The following GSPT1 variants were observed in gnomAD, a reference collection of about 807,000 sequenced individuals.
GSPT1 encodes the protein eukaryotic peptide chain release factor GTP-binding subunit ERF3A.
In GSPT1, 20 loss-of-function variants were observed where a neutral mutation model predicts 72.5. The observed-to-expected ratio is 0.28, with a 90% confidence interval of 0.19 to 0.40. The LOEUF (loss-of-function observed/expected upper bound fraction) is 0.40, where lower values mean the gene tolerates loss of function less well. Ranked by LOEUF, GSPT1 falls within the 10% of genes least tolerant of loss-of-function variation. GSPT1 has a pLI of 1.00. For missense variants in GSPT1, 580 were observed against 811.9 expected (o/e 0.71, Z 3.47); for synonymous variants, 334 against 293.5 (o/e 1.14, Z -1.41).
chr16:11,908,521 G>A lies in GSPT1; in HGVS notation c.352+6848C>T, dbSNP rs1321624360. ...CACGCCTGTAATCCCAGCACTTTGG[G>A]AGGCCGAGGCGGGCGGATCACGAGG... On this transcript the variant is annotated intron_variant, in intron 1 of 14. Coordinates refer to ENST00000434724, the MANE Select transcript of GSPT1 (RefSeq NM_002094.4). The A allele has an allele frequency of 1.4e-4, 10 of 69,262 alleles. 3 individuals carry two copies. The highest frequency in any genetic ancestry group is 8.1e-4 in the Admixed American group (6 of 7,366). The allele number at this position is 69,262 out of a possible 1,614,324, so 4.3% of individuals were successfully genotyped here.
intron 1 of GSPT1, among the ~76,000 whole-genome samples, chr16:11,904,816 T>C (rs1221137629): frequency 6.6e-6 from 1 of 152,218 alleles, no homozygotes; most frequent in Non-Finnish European, 1.5e-5. Context: ...CCGGGTGTAG[T>C]GGCTCATGCC....
chr16:11,892,173 C>T (rs1380497907), intron 5 of GSPT1, among the ~76,000 whole-genome samples: 1 of 150,886 alleles, frequency 6.6e-6, no homozygotes, highest in Non-Finnish European at 1.5e-5. Flanking sequence ...GTGAGACCAT[C>T]TCCACATAAA....
At chr16:11,896,202 C>G (rs959941560) in intron 4 of GSPT1, among the ~76,000 whole-genome samples, 1 of 152,142 alleles carries the variant, frequency 6.6e-6, no homozygotes, top group African/African-American at 2.4e-5. Context: ...TAAGGTCAAT[C>G]CCATTAAAAT....
intron 1 of GSPT1, among the ~76,000 whole-genome samples, chr16:11,902,062 C>A (rs34160646): frequency 2.0e-5 from 3 of 147,616 alleles, no homozygotes; most frequent in African/African-American, 7.6e-5. Context: ...GCACTCCAGC[C>A]TGGGCAACAA....
chr16:11,892,525 A>AAAAAAAAAAAAAC (rs1567443291), intron 5 of GSPT1, among the ~76,000 whole-genome samples: 1 of 141,858 alleles, frequency 7.0e-6, no homozygotes, highest in African/African-American at 2.8e-5. Context: ...AAAAAAAACA[A>AAAAAAAAAAAAAC]AAAAAACAAA....
intron 14 of GSPT1, 54 bp from the exon 15 acceptor site, chr16:11,873,225 A>C (rs1298832211): frequency 7.0e-6 from 6 of 855,730 alleles, no homozygotes; most frequent in Non-Finnish European, 1.2e-5. Flanking sequence ...AGTCTATATA[A>C]GATATTAAAA....
chr16:11,891,345 A>G (rs1348210337), intron 5 of GSPT1, among the ~76,000 whole-genome samples: 1 of 147,208 alleles, frequency 6.8e-6, no homozygotes, highest in Admixed American at 6.8e-5. Flanking sequence ...TATATAAAAT[A>G]TATATATTAC....
At position 11,915,911 on chromosome 16, in the gene GSPT1, A is replaced by AGGCGGC. The variant is rs757950220; in HGVS notation, c.-197_-192dup. On this transcript the variant is annotated 5_prime_UTR_variant, in exon 1 of 15. Transcript: ENST00000434724. ...GACTCCACACTCGCGACGACGACAGAGGCGGCGGCGGCGGCAGCTCAACCC... is the reference window on the plus strand; with the variant it reads ...GACTCCACACTCGCGACGACGACAGAGGCGGCGGCGGCGGCGGCGGCAGCTCAACCC... The AGGCGGC allele has an allele frequency of 4.8e-6, 4 of 831,484 alleles. No individual in the cohort carries two copies. In the South Asian group the frequency reaches 5.3e-5, roughly 11 times the overall value. The allele number at this position is 831,484 out of a possible 1,614,324, so 51.5% of individuals were successfully genotyped here. A position where few individuals can be genotyped will look rare whatever the true frequency, so the allele number is the denominator to read the frequency against.
At chr16:11,912,082 C>G (rs1411889943) in intron 1 of GSPT1, among the ~76,000 whole-genome samples, 5 of 147,702 alleles carry the variant, frequency 3.4e-5, no homozygotes. Context: ...CGCGGTCACA[C>G]CTGTAATCCC....
rs62622820 is a variant in GSPT1, at chr16:11,873,059, G to A, written c.*60C>T. 0.017 allele frequency: 14,960 copies of A among 892,168 alleles called. 171 individuals are homozygous for A. Among genetic ancestry groups the A allele is most frequent in the Non-Finnish European group, 0.022 (12,053 of 551,250 alleles). 55.3% of individuals were successfully genotyped at this position (892,168 alleles called of 1,614,324 possible). On this transcript the variant is annotated 3_prime_UTR_variant, in exon 15 of 15. Transcript: ENST00000434724. ...GGCAGAAAATAAGAGAAGGCGGTGT[G>A]AAGTAGGCTTCTGCAGTCAATTTTC...
intron 11 of GSPT1, chr16:11,881,165 TGGGA>T (rs2054117580): frequency 6.6e-6 from 1 of 152,402 alleles, no homozygotes; most frequent in Admixed American, 6.5e-5. Context: ...CCCAAAGTGC[TGGGA>T]TTACAGGCAT....
At chr16:11,901,099 A>G (rs939499731) in intron 1 of GSPT1, among the ~76,000 whole-genome samples, 2 of 152,170 alleles carry the variant, frequency 1.3e-5, no homozygotes, top group African/African-American at 4.8e-5. Context: ...CAAGGTTGCA[A>G]TGAGACCTGA....
chr16:11,883,861 C>T (rs1367826551), intron 10 of GSPT1, among the ~76,000 whole-genome samples: 2 of 150,640 alleles, frequency 1.3e-5, no homozygotes, highest in Admixed American at 6.6e-5. Context: ...TGCAGTGAGC[C>T]GAGATCATGC....
chr16:11,885,095 GAAAAA>G (rs1567439060), intron 10 of GSPT1, 81 bp downstream of exon 10: 4 of 687,710 alleles, frequency 5.8e-6, no homozygotes, highest in Non-Finnish European at 7.8e-6. Context: ...GAAAAGAAAA[GAAAAA>G]AAGTTTTCAA....
chr16:11,884,945 G>A (rs2054168967), intron 10 of GSPT1, among the ~76,000 whole-genome samples: 1 of 151,742 alleles, frequency 6.6e-6, no homozygotes, highest in Non-Finnish European at 1.5e-5. Context: ...GCGGGAGCCT[G>A]TAGTCCTAGC....
intron 1 of GSPT1, among the ~76,000 whole-genome samples, chr16:11,912,347 CAAA>C (rs57472965): frequency 3.6e-5 from 4 of 110,764 alleles, no homozygotes; most frequent in Non-Finnish European, 3.8e-5. Flanking sequence ...GACTCCGTCT[CAAA>C]AAAAAAAAAA....
chr16:11,904,055 C>G (rs1161034451), intron 1 of GSPT1: 1 of 227,052 alleles, frequency 4.4e-6, no homozygotes, highest in East Asian at 1.1e-4. Context: ...CCAGGGACAC[C>G]ATGAATGCTC....
In GSPT1 at chr16:11,915,943, T is replaced by C. The variant is rs752734854; in HGVS notation, c.-223A>G. 6.7e-6 allele frequency: 5 copies of C among 744,546 alleles called. No individual in the cohort carries two copies. Among genetic ancestry groups the C allele is most frequent in the Non-Finnish European group, 1.2e-5 (5 of 409,584 alleles). The allele number at this position is 744,546 out of a possible 1,614,324, so 46.1% of individuals were successfully genotyped here. A position where few individuals can be genotyped will look rare whatever the true frequency, so the allele number is the denominator to read the frequency against. On this transcript the variant is annotated 5_prime_UTR_variant, in exon 1 of 15. Coordinates refer to ENST00000434724, the MANE Select transcript of GSPT1 (RefSeq NM_002094.4). ...GGCGGCGGCAGCTCAACCCTCCTCCTCGTGTGTGTGAGCGGATCTCCTCCC... is the reference window on the plus strand; with the variant it reads ...GGCGGCGGCAGCTCAACCCTCCTCCCCGTGTGTGTGAGCGGATCTCCTCCC...
At position 11,915,669 on chromosome 16, in the gene GSPT1, T is replaced by TGCTCCCGCC; in HGVS notation, c.43_51dup (p.Gly15_Ser17dup). ...GAGTCGCTGCTGCTGCTGCCGCTGC[T>TGCTCCCGCC]GCTCCCGCCGCCGCCGCCGCCGCCG... is the stretch of plus-strand genomic sequence containing the variant. On this transcript the variant is annotated inframe_insertion, in exon 1 of 15. Transcript: ENST00000434724. 1 of 1,474,388 alleles carries TGCTCCCGCC rather than the reference T, an allele frequency of 6.8e-7. No homozygotes were observed. Among genetic ancestry groups the TGCTCCCGCC allele is most frequent in the Non-Finnish European group, 9.0e-7 (1 of 1,117,272 alleles). The allele number at this position is 1,474,388 out of a possible 1,614,324, so 91.3% of individuals were successfully genotyped here.
Sources: allele counts gnomAD v4.1 joint callset (sites outside exome capture counted in the v4.1 genomes callset), GRCh38; gene constraint gnomAD v4.1.1; transcripts MANE v1.5; gene names NCBI Gene and HGNC (gene_info 2026-07-23, HGNC 2026-07-21).